Variants in MAOB observed in about 807,000 individuals in gnomAD.
MAOB encodes amine oxidase [flavin-containing] B.
MAOB carries 15 observed loss-of-function variants against 41.9 expected under a neutral mutation model. That is an observed-to-expected ratio of 0.36 (90% CI 0.24 to 0.55). The LOEUF (loss-of-function observed/expected upper bound fraction) is 0.55. Among genes scored for constraint, MAOB ranks in the 20% least tolerant of loss-of-function variants. MAOB has a pLI of 0.86. For synonymous variants in MAOB, 167 were observed against 144.2 expected, an observed-to-expected ratio of 1.16 and a Z score of -1.13; for missense variants, 345 against 398.7, an observed-to-expected ratio of 0.87 and a Z score of 1.15.
At chrX:43,804,448 CAGGAGAA>C (rs1238511007) in intron 3 of MAOB, among the ~76,000 whole-genome samples, 1 of 107,004 alleles carries the variant, frequency 9.3e-6, no homozygotes, top group East Asian at 2.9e-4. Flanking sequence ...ACAGAACCAA[CAGGAGAA>C]AGAGAGAGAG....
intron 11 of MAOB, 80 bp downstream of exon 11, chrX:43,778,602 G>T: frequency 7.5e-6 from 6 of 803,452 alleles, no homozygotes; most frequent in Non-Finnish European, 9.2e-6. Context: ...GACCCAACTT[G>T]CATTAACCTA....
chrX:43,790,456 G>A (rs768700803), intron 8 of MAOB, among the ~76,000 whole-genome samples: 9 of 112,306 alleles, frequency 8.0e-5, no homozygotes, highest in African/African-American at 2.9e-4. Flanking sequence ...GCAAGGAAAA[G>A]TGCCTTTGAA....
intron 8 of MAOB, among the ~76,000 whole-genome samples, chrX:43,782,864 C>T (rs1362318090): frequency 8.9e-6 from 1 of 111,852 alleles, no homozygotes; most frequent in Non-Finnish European, 1.9e-5. Context: ...CGTAATCCGT[C>T]ACGTAAACAG....
At chrX:43,795,554 C>T (rs1439290596) in intron 7 of MAOB, among the ~76,000 whole-genome samples, 185 bp downstream of exon 7, 1 of 111,516 alleles carries the variant, frequency 9.0e-6, no homozygotes, top group African/African-American at 3.3e-5. Flanking sequence ...GGCTGAAAGT[C>T]CCAACCCTCT....
chrX:43,778,812 T>C, intron 10 of MAOB, 73 bp from the exon 11 acceptor site: 2 of 777,586 alleles, frequency 2.6e-6, no homozygotes, highest in East Asian at 3.3e-5. Context: ...AAAGAGGCAT[T>C]TATCCCCTCA....
At chrX:43,882,104 C>T in intron 1 of MAOB, 150 bp downstream of exon 1, 1 of 975,906 alleles carries the variant, frequency 1.0e-6, no homozygotes. Context: ...CAGTGCACGG[C>T]GCTCTGGACC....
At chrX:43,840,798 AC>A (rs1260313087) in intron 2 of MAOB, among the ~76,000 whole-genome samples, 1 of 110,797 alleles carries the variant, frequency 9.0e-6, no homozygotes, top group East Asian at 2.8e-4. Context: ...CAACCCGCAG[AC>A]CAGGAGATTC....
At chrX:43,815,387 C>T (rs2034797432) in intron 3 of MAOB, among the ~76,000 whole-genome samples, 1 of 111,955 alleles carries the variant, frequency 8.9e-6, no homozygotes, top group Non-Finnish European at 1.9e-5. Context: ...AGCAAAACTC[C>T]AGAGTGTTCT....
rs2035478027 is a variant in MAOB at position 43,882,235 on chromosome X, G to A, written c.46+19C>T. 1.7e-6 allele frequency: 2 copies of A among 1,208,096 alleles called. No homozygotes were observed. Among genetic ancestry groups the A allele is most frequent in the African/African-American group, 1.7e-5 (1 of 57,673 alleles). On this transcript the variant is annotated intron_variant, in intron 1 of 14. Transcript: ENST00000378069. ...TCCGAGCGCGTGAAGAGGAAGGAGG[G>A]CGCACAGCCGCGACTAACCTGAGAT...
chrX:43,871,511 T>A (rs2035407401), intron 1 of MAOB, among the ~76,000 whole-genome samples: 1 of 104,929 alleles, frequency 9.5e-6, no homozygotes, highest in Admixed American at 1.0e-4. Flanking sequence ...CTGATCCAGA[T>A]AAGCATGTCT....
intron 1 of MAOB, among the ~76,000 whole-genome samples, chrX:43,855,962 C>A (rs2035284438): frequency 1.8e-5 from 2 of 111,709 alleles, no homozygotes; most frequent in Admixed American, 9.5e-5. Context: ...TGTCTTCCAT[C>A]ACCATGGAGA....
At chrX:43,786,230 T>C (rs2034396529) in intron 8 of MAOB, among the ~76,000 whole-genome samples, 1 of 112,025 alleles carries the variant, frequency 8.9e-6, no homozygotes, top group African/African-American at 3.2e-5. Flanking sequence ...TGCTCCATCA[T>C]TTACTTGCAA....
intron 3 of MAOB, among the ~76,000 whole-genome samples, chrX:43,836,284 G>A (rs1488720401): frequency 1.8e-5 from 2 of 111,808 alleles, no homozygotes; most frequent in Admixed American, 9.5e-5. Context: ...CTTTTTACAG[G>A]TCAAAAATGA....
chrX:43,768,379 T>C (rs1453374935), intron 14 of MAOB, among the ~76,000 whole-genome samples: 2 of 111,827 alleles, frequency 1.8e-5, no homozygotes, highest in Non-Finnish European at 3.8e-5. Flanking sequence ...TATTGAGTTA[T>C]TATTTTTAGA....
Position 43,882,303 on chromosome X carries a change from G to A in MAOB, c.-4C>T. ...CCACGTCGCATTTGTTGCTCATGGC[G>A]CTCGCCCCGTTCCAGGCCTCCCTGG... On this transcript the variant is annotated 5_prime_UTR_variant, in exon 1 of 15. Transcript: ENST00000378069. The A allele has an allele frequency of 8.3e-7, 1 of 1,206,732 alleles. No homozygotes were observed. Among genetic ancestry groups the A allele is most frequent in the Non-Finnish European group, 1.1e-6 (1 of 893,409 alleles).
rs1169092687 is a variant in MAOB, at chrX:43,809,151, A to G, written c.280-5747T>C. On this transcript the variant is annotated intron_variant, in intron 3 of 14. Transcript: ENST00000378069. ...GGCCCCTTCCAAGACTCTATTTGAC[A>G]GATCCCATCTGAATAACCCAGTTGA... Among the ~76,000 whole-genome samples the G allele has an allele frequency of 4.5e-5, 5 of 111,895 alleles. No individual in the cohort carries two copies. In the South Asian group the frequency reaches 1.5e-3, roughly 34 times the overall value.
At chrX:43,843,830 A>T in intron 1 of MAOB, 66 bp from the exon 2 acceptor site, 1 of 1,172,507 alleles carries the variant, frequency 8.5e-7, no homozygotes, top group Non-Finnish European at 1.1e-6. Context: ...CCTCATGCTA[A>T]CAGCCAATGA....
chrX:43,844,015 CT>C, intron 1 of MAOB: 1 of 710,072 alleles, frequency 1.4e-6, no homozygotes, highest in Non-Finnish European at 1.8e-6. Flanking sequence ...ATCAAAATGT[CT>C]ATTTTAATGA....
intron 3 of MAOB, among the ~76,000 whole-genome samples, chrX:43,812,418 CA>C (rs2147145522): frequency 8.9e-6 from 1 of 111,883 alleles, no homozygotes; most frequent in Admixed American, 9.5e-5. Flanking sequence ...GAGGAACTTC[CA>C]AATGGTTCTC....
Sources: allele counts gnomAD v4.1 joint callset (sites outside exome capture counted in the v4.1 genomes callset), GRCh38; gene constraint gnomAD v4.1.1; transcripts MANE v1.5; gene names NCBI Gene and HGNC (gene_info 2026-07-23, HGNC 2026-07-21).